SBF2: variants seen among roughly 807,000 people sequenced by gnomAD.
The protein encoded by SBF2 is SET binding factor 2.
Under a neutral mutation model 225.2 loss-of-function variants are expected in SBF2, and 112 were observed. The ratio of observed to expected loss-of-function variants is 0.50; its 90% CI spans 0.43 to 0.58. The LOEUF is 0.58. SBF2 is among the 20% of genes least tolerant of loss of function. The pLI is 0.00. For missense variants in SBF2, 1,996 were observed against 2,206.2 expected (o/e 0.90, Z 1.91); for synonymous variants, 763 against 773.3 (o/e 0.99, Z 0.22).
chr11:9,949,231 A>T (rs1278305844), intron 16 of SBF2, among the ~76,000 whole-genome samples: 1 of 152,100 alleles, frequency 6.6e-6, no homozygotes, highest in Non-Finnish European at 1.5e-5. Context: ...ATATTTGAAA[A>T]CCTAACTGAG....
At chr11:10,148,406 G>C (rs923053079) in intron 2 of SBF2, among the ~76,000 whole-genome samples, 8 of 152,032 alleles carry the variant, frequency 5.3e-5, no homozygotes, top group African/African-American at 1.7e-4. Flanking sequence ...TCCATACATG[G>C]GGGCTATCTG....
chr11:10,117,731 A>G lies in SBF2; in HGVS notation c.142-74750T>C, dbSNP rs796966332. Among the ~76,000 whole-genome samples, 21 of 151,052 alleles carry G rather than the reference A, an allele frequency of 1.4e-4. 1 individual carries two copies. The highest frequency in any genetic ancestry group is 4.4e-4 in the African/African-American group (18 of 41,252). ...AAGATATATTTGAACTTGGGAAAGC[A>G]GCCTTAAGAGTCTCTCTTGGGTGCT... On this transcript the variant is annotated intron_variant, in intron 2 of 39. Transcript: ENST00000256190.
intron 17 of SBF2, among the ~76,000 whole-genome samples, chr11:9,876,680 C>G (rs1026218493): frequency 6.6e-6 from 1 of 152,166 alleles, no homozygotes; most frequent in African/African-American, 2.4e-5. Flanking sequence ...GTTAAAATAT[C>G]CACTCTGTGG....
chr11:10,261,368 TA>T (rs1025863483), intron 1 of SBF2, among the ~76,000 whole-genome samples: 6 of 152,096 alleles, frequency 3.9e-5, no homozygotes, highest in Non-Finnish European at 8.8e-5. Flanking sequence ...ATACCCAACT[TA>T]TTTTTATATT....
chr11:9,980,352 T>C (rs1946899720), intron 13 of SBF2, among the ~76,000 whole-genome samples: 3 of 147,616 alleles, frequency 2.0e-5, no homozygotes, highest in Non-Finnish European at 4.5e-5. Context: ...CCCAGGCTGG[T>C]CTCGAACTCC....
At chr11:9,981,516 ATTTC>A (rs1213668221) in intron 13 of SBF2, among the ~76,000 whole-genome samples, 1 of 152,210 alleles carries the variant, frequency 6.6e-6, no homozygotes, top group Non-Finnish European at 1.5e-5. Context: ...TTGATTTATA[ATTTC>A]TTTTATTTTT....
chr11:9,924,270 T>C (rs922749088), intron 16 of SBF2, among the ~76,000 whole-genome samples: 4 of 152,216 alleles, frequency 2.6e-5, no homozygotes, highest in African/African-American at 7.2e-5. Context: ...TAGTATTCAA[T>C]AAATTACATG....
chr11:9,826,333 T>G (rs538460070), intron 28 of SBF2, among the ~76,000 whole-genome samples: 171 of 152,094 alleles, frequency 1.1e-3, no homozygotes, highest in Non-Finnish European at 2.0e-3. Flanking sequence ...GTGTTCAGAG[T>G]GATAAGGATG....
chr11:10,085,403 T>C (rs1186618557), intron 2 of SBF2, among the ~76,000 whole-genome samples: 1 of 152,194 alleles, frequency 6.6e-6, no homozygotes, highest in Non-Finnish European at 1.5e-5. Context: ...CTATCCGGAA[T>C]TTTCTCTTCA....
intron 35 of SBF2, chr11:9,788,105 G>A: frequency 3.2e-6 from 1 of 308,650 alleles, no homozygotes; most frequent in African/African-American, 2.1e-5. Flanking sequence ...AATAGCTGAG[G>A]TAGATGAGAA....
chr11:10,248,623 AAC>A (rs1197447677), intron 1 of SBF2, among the ~76,000 whole-genome samples: 2 of 152,384 alleles, frequency 1.3e-5, no homozygotes, highest in African/African-American at 4.8e-5. Flanking sequence ...CTACTGAAAA[AAC>A]AGTTTTACAT....
chr11:10,033,836 A>G (rs972318646), intron 3 of SBF2, among the ~76,000 whole-genome samples: 2 of 152,158 alleles, frequency 1.3e-5, no homozygotes, highest in Non-Finnish European at 2.9e-5. Flanking sequence ...ATTCTATGTA[A>G]TAATTATAAA....
At chr11:10,004,596 C>A (rs7129226) in intron 6 of SBF2, among the ~76,000 whole-genome samples, 62,736 of 123,382 alleles carry the variant, frequency 0.51, 15,265 homozygotes, top group Non-Finnish European at 0.59. Context: ...AAAAAAAAAA[C>A]AAACTACATA....
intron 3 of SBF2, among the ~76,000 whole-genome samples, chr11:10,033,224 C>G (rs1949323706): frequency 6.6e-6 from 1 of 152,098 alleles, no homozygotes; most frequent in African/African-American, 2.4e-5. Flanking sequence ...AAAAGAATGA[C>G]TAAAATTCTT....
chr11:9,904,966 G>A (rs1862009534), intron 16 of SBF2, among the ~76,000 whole-genome samples: 1 of 152,234 alleles, frequency 6.6e-6, no homozygotes, highest in Non-Finnish European at 1.5e-5. Flanking sequence ...AGGCTACAGT[G>A]AGCCATGATT....
chr11:10,289,669 G>A (rs1241020876), intron 1 of SBF2, among the ~76,000 whole-genome samples: 1 of 152,116 alleles, frequency 6.6e-6, no homozygotes, highest in African/African-American at 2.4e-5. Context: ...AGGCGGCCCT[G>A]CTCAGAGCCT....
In SBF2 at chr11:10,220,323, C is replaced by A. The variant is rs375189542; in HGVS notation, c.56-26336G>T. Among the ~76,000 whole-genome samples the A allele has an allele frequency of 2.5e-4, 38 of 152,214 alleles. No homozygotes were observed. In the South Asian group the frequency reaches 7.5e-3, roughly 30 times the overall value. On this transcript the variant is annotated intron_variant, in intron 1 of 39. Transcript: ENST00000256190. ...AGCCCATGATTCAATTATCTCCCAC[C>A]GGGACCCTCTGATGACACACGAGAA...
intron 3 of SBF2, among the ~76,000 whole-genome samples, chr11:10,034,621 A>G (rs540228622): frequency 1.3e-5 from 2 of 152,338 alleles, no homozygotes; most frequent in East Asian, 3.9e-4. Context: ...ACAATACTGT[A>G]TCACACTAAA....
intron 1 of SBF2, among the ~76,000 whole-genome samples, chr11:10,268,633 G>C (rs540380980): frequency 6.6e-6 from 1 of 152,100 alleles, no homozygotes; most frequent in Admixed American, 6.5e-5. Flanking sequence ...GTAAATAATT[G>C]TTTACTTCCC....
Sources: allele counts gnomAD v4.1 joint callset (sites outside exome capture counted in the v4.1 genomes callset), GRCh38; gene constraint gnomAD v4.1.1; transcripts MANE v1.5; gene names NCBI Gene and HGNC (gene_info 2026-07-23, HGNC 2026-07-21).